The following ACSF2 variants were observed in gnomAD, a reference collection of about 807,000 sequenced individuals.
ACSF2 encodes the protein medium-chain acyl-CoA ligase ACSF2, mitochondrial.
ACSF2 carries 52 observed loss-of-function variants against 79.3 expected under a neutral mutation model. The observed-to-expected ratio is 0.66, with a 90% confidence interval of 0.53 to 0.83. The LOEUF is 0.83. Among genes scored for constraint, ACSF2 ranks in the 40% least tolerant of loss-of-function variants. The pLI is 0.00. For synonymous variants in ACSF2, 283 were observed against 312.6 expected, an observed-to-expected ratio of 0.91 and a Z score of 1.00; for missense variants, 661 against 803.3, an observed-to-expected ratio of 0.82 and a Z score of 2.14.
chr17:50,457,360 G>T (rs1050626946), intron 1 of ACSF2, among the ~76,000 whole-genome samples: 3 of 152,238 alleles, frequency 2.0e-5, no homozygotes, highest in Admixed American at 2.0e-4. Context: ...CACACCATTG[G>T]TGGCCATCTC....
chr17:50,441,268 T>G (rs1214962159), intron 1 of ACSF2, among the ~76,000 whole-genome samples: 1 of 152,206 alleles, frequency 6.6e-6, no homozygotes, highest in African/African-American at 2.4e-5. Context: ...CTCCCCAGGC[T>G]CAGGTGATCC....
chr17:50,468,123 G>A (rs267604950), intron 10 of ACSF2: 1 of 1,614,134 alleles, frequency 6.2e-7, no homozygotes. Context: ...ATGCTTTTCA[G>A]GGGGTTGTGG....
At chr17:50,465,748 AT>A in intron 10 of ACSF2, 2 of 1,613,680 alleles carry the variant, frequency 1.2e-6, no homozygotes, top group Non-Finnish European at 1.7e-6. Flanking sequence ...TCCAGGGGTT[AT>A]TGGTAAGGGC....
At chr17:50,442,192 C>G (rs558222473) in intron 1 of ACSF2, among the ~76,000 whole-genome samples, 2 of 152,084 alleles carry the variant, frequency 1.3e-5, no homozygotes, top group South Asian at 4.2e-4. Flanking sequence ...GTAGTCCCAG[C>G]TATTTGGGAG....
chr17:50,433,252 C>A (rs1180219069), intron 1 of ACSF2, among the ~76,000 whole-genome samples: 2 of 151,822 alleles, frequency 1.3e-5, no homozygotes, highest in African/African-American at 2.4e-5. Context: ...ATTACAGACA[C>A]CTGCCACCAC....
intron 1 of ACSF2, among the ~76,000 whole-genome samples, chr17:50,427,684 C>A (rs1159620633): frequency 2.0e-5 from 3 of 152,196 alleles, no homozygotes; most frequent in African/African-American, 7.2e-5. Flanking sequence ...CAGGGGAAGT[C>A]TCTCAGCCTA....
chr17:50,454,368 T>C (rs1275308527), intron 1 of ACSF2, among the ~76,000 whole-genome samples: 2 of 151,808 alleles, frequency 1.3e-5, no homozygotes, highest in Non-Finnish European at 2.9e-5. Flanking sequence ...AATAAATAAT[T>C]TAATTTTCAA....
At chr17:50,468,561 AGT>A (rs2032905996) in intron 10 of ACSF2, 2 of 1,614,134 alleles carry the variant, frequency 1.2e-6, no homozygotes, top group African/African-American at 2.7e-5. Flanking sequence ...CGGATCTGGC[AGT>A]GCTGCAGGTG....
chr17:50,462,689 T>C (rs1567856297), intron 6 of ACSF2, 104 bp downstream of exon 6: 1 of 1,354,502 alleles, frequency 7.4e-7, no homozygotes, highest in East Asian at 2.4e-5. Flanking sequence ...GCATGCCTTC[T>C]TTACTGAGAC....
At chr17:50,443,071 G>A (rs1248364236) in intron 1 of ACSF2, among the ~76,000 whole-genome samples, 1 of 151,900 alleles carries the variant, frequency 6.6e-6, no homozygotes, top group Non-Finnish European at 1.5e-5. Context: ...CACCATGCCC[G>A]GCTAATTTTT....
chr17:50,463,332 C>T lies in ACSF2; in HGVS notation c.889-63C>T. 6.2e-7 allele frequency: 1 copy of T among 1,610,172 alleles called. No homozygotes were observed. The highest frequency in any genetic ancestry group is 1.1e-5 in the South Asian group (1 of 90,482). The stretch of plus-strand genomic sequence containing the variant: ...TGGGGGGCTGGCTGGGCTCCCCTTG[C>T]CAGCTAGAGAGGAACTGGCGTCTGG... On this transcript the variant is annotated intron_variant, in intron 7 of 15. Coordinates refer to ENST00000300441, the MANE Select transcript of ACSF2 (RefSeq NM_025149.6). This position sits in a 1 kb window ranked among gnomAD's most constrained non-coding sequence, Gnocchi z 4.6.
chr17:50,432,290 A>G (rs1261366145), intron 1 of ACSF2, among the ~76,000 whole-genome samples: 3 of 152,232 alleles, frequency 2.0e-5, no homozygotes, highest in African/African-American at 4.8e-5. Flanking sequence ...GATGCCAAGG[A>G]CATGTTCATC....
At chr17:50,470,717 G>A (rs902606203) in intron 10 of ACSF2, among the ~76,000 whole-genome samples, 5 of 151,968 alleles carry the variant, frequency 3.3e-5, no homozygotes, top group Non-Finnish European at 7.4e-5. Flanking sequence ...TGGTAATACC[G>A]GAGCCACAGG....
In ACSF2 at chr17:50,474,537, A is replaced by G; in HGVS notation, c.1833A>G (p.Arg611=). ...QKFKLREQME[R]HLNL Reference sequence around the variant, plus strand: ...TCAAACTTCGAGAGCAGATGGAACGACATCTAAATCTGTGAATAAAGCAGC... The same window carrying G: ...TCAAACTTCGAGAGCAGATGGAACGGCATCTAAATCTGTGAATAAAGCAGC... Residue 611 remains arginine, a synonymous_variant, in exon 16 of 16, where the codon CGA becomes CGG. Coordinates refer to ENST00000300441, the MANE Select transcript of ACSF2 (RefSeq NM_025149.6). This position sits in a 1 kb window ranked among gnomAD's most constrained non-coding sequence, Gnocchi z 4.2. 1 of 1,614,192 alleles carries G rather than the reference A, an allele frequency of 6.2e-7. No homozygotes were observed. Among genetic ancestry groups the G allele is most frequent in the Non-Finnish European group, 8.5e-7 (1 of 1,180,036 alleles).
At chr17:50,435,712 C>T (rs2030347319) in intron 1 of ACSF2, among the ~76,000 whole-genome samples, 1 of 152,124 alleles carries the variant, frequency 6.6e-6, no homozygotes, top group South Asian at 2.1e-4. Context: ...CCACTATGCC[C>T]AGCCCATATA....
At chr17:50,468,392 C>A (rs2032886838) in intron 10 of ACSF2, 1 of 1,614,204 alleles carries the variant, frequency 6.2e-7, no homozygotes, top group Non-Finnish European at 8.5e-7. Context: ...GGAGAGCAAC[C>A]CCCGGGGCAG....
chr17:50,446,303 A>C (rs897502140), intron 1 of ACSF2, among the ~76,000 whole-genome samples: 1 of 152,030 alleles, frequency 6.6e-6, no homozygotes, highest in Admixed American at 6.6e-5. Context: ...TCAGAAAAGT[A>C]CACTTTTTTT....
chr17:50,465,091 A>C, intron 10 of ACSF2: 1 of 612,286 alleles, frequency 1.6e-6, no homozygotes, highest in South Asian at 2.0e-5. Flanking sequence ...CCAACAACAC[A>C]GATGATGCTT....
intron 9 of ACSF2, 119 bp from the exon 10 acceptor site, chr17:50,464,099 G>A: frequency 7.6e-7 from 1 of 1,312,100 alleles, no homozygotes; most frequent in South Asian, 1.2e-5. Context: ...GCCAGGTGTA[G>A]GAAAGGCTCG....
Sources: gnomAD v4.1 joint callset for allele counts (sites outside exome capture counted in the v4.1 genomes callset) on GRCh38, gnomAD v4.1.1 for gene constraint, Gnocchi (gnomAD v3.1) non-coding constraint, MANE v1.5 for transcripts, NCBI Gene and HGNC (gene_info 2026-07-23, HGNC 2026-07-21) for gene names.